EDARADD: variants seen among roughly 807,000 people sequenced by gnomAD.
EDARADD encodes the protein EDAR associated via death domain, also known as ectodysplasin-A receptor-associated adapter protein.
EDARADD carries 20 observed loss-of-function variants against 25.6 expected under a neutral mutation model. That is an observed-to-expected ratio of 0.78 (90% CI 0.55 to 1.14). EDARADD has a LOEUF of 1.14. EDARADD is among the 50% of genes most tolerant of loss of function. EDARADD has a pLI of 0.00. For missense variants in EDARADD, 225 were observed against 270.1 expected, an observed-to-expected ratio of 0.83 and a Z score of 1.17; for synonymous variants, 86 against 94.4, an observed-to-expected ratio of 0.91 and a Z score of 0.52.
At chr1:236,461,952 C>T (rs145081034) in intron 4 of EDARADD, among the ~76,000 whole-genome samples, 58 of 152,284 alleles carry the variant, frequency 3.8e-4, no homozygotes, top group African/African-American at 1.3e-3. Context: ...AAGGTTTCAA[C>T]GTACTGAGTT....
chr1:236,460,765 C>T (rs1659016295), intron 4 of EDARADD, among the ~76,000 whole-genome samples: 1 of 152,010 alleles, frequency 6.6e-6, no homozygotes, highest in South Asian at 2.1e-4. Context: ...GGAATTCTTA[C>T]CCCTGAAAAT....
chr1:236,415,796 C>T (rs1375453814), intron 3 of EDARADD, among the ~76,000 whole-genome samples: 1 of 152,040 alleles, frequency 6.6e-6, no homozygotes, highest in Non-Finnish European at 1.5e-5. Flanking sequence ...ACAGTGGGGC[C>T]TCTACCTTGT....
At chr1:236,387,194 TG>T (rs1198813152) in intron 3 of EDARADD, among the ~76,000 whole-genome samples, 133 of 6,428 alleles carry the variant, frequency 0.021, no homozygotes, top group African/African-American at 0.046. Context: ...GGGAGGGAGG[TG>T]GGGGGGGTCA....
At chr1:236,450,776 G>A (rs1364101195) in intron 4 of EDARADD, among the ~76,000 whole-genome samples, 1 of 151,976 alleles carries the variant, frequency 6.6e-6, no homozygotes, top group African/African-American at 2.4e-5. Flanking sequence ...CTCAAACTCC[G>A]GACCTTAGGT....
chr1:236,415,908 C>T (rs902202197), intron 3 of EDARADD, among the ~76,000 whole-genome samples: 1 of 152,192 alleles, frequency 6.6e-6, no homozygotes, highest in African/African-American at 2.4e-5. Context: ...GCATCCTGGT[C>T]ACCATGGAGG....
intron 3 of EDARADD, among the ~76,000 whole-genome samples, chr1:236,419,549 C>T (rs1207714427): frequency 6.6e-6 from 1 of 152,182 alleles, no homozygotes; most frequent in African/African-American, 2.4e-5. Flanking sequence ...ACGAATGACA[C>T]TTCAGTGTGC....
chr1:236,359,795 ACCTCC>A (rs1167774898), intron 3 of EDARADD, among the ~76,000 whole-genome samples: 2 of 152,134 alleles, frequency 1.3e-5, no homozygotes, highest in Non-Finnish European at 2.9e-5. Context: ...TGATTCAGTT[ACCTCC>A]TACAGGGTCC....
intron 5 of EDARADD, among the ~76,000 whole-genome samples, chr1:236,480,620 T>A (rs1464172453): frequency 6.6e-6 from 1 of 152,190 alleles, no homozygotes; most frequent in Non-Finnish European, 1.5e-5. Flanking sequence ...TAAAGGCTAC[T>A]ATAACCTTCC....
chr1:236,483,556 A>G lies in EDARADD; in HGVS notation c.*907A>G. ...GCTGTTGAGAAGGGGGTTCCCCTGT[A>G]CCACCACATCGCCGACTTGTCTGGC... On this transcript the variant is annotated 3_prime_UTR_variant, in exon 6 of 6. Coordinates refer to ENST00000334232, the MANE Select transcript of EDARADD (RefSeq NM_145861.4). 8.1e-7 allele frequency: 1 copy of G among 1,232,176 alleles called. No homozygotes were observed. Among genetic ancestry groups the G allele is most frequent in the Non-Finnish European group, 1.2e-6 (1 of 834,356 alleles). 76.3% of individuals were successfully genotyped at this position (1,232,176 alleles called of 1,614,324 possible). A position where few individuals can be genotyped will look rare whatever the true frequency, so the allele number is the denominator to read the frequency against.
chr1:236,423,164 A>C (rs966963831), intron 3 of EDARADD, among the ~76,000 whole-genome samples: 35 of 152,190 alleles, frequency 2.3e-4, no homozygotes, highest in African/African-American at 8.4e-4. Context: ...AGGGGCCCAA[A>C]TTTACATTGA....
At chr1:236,453,758 G>A (rs1337884893) in intron 4 of EDARADD, among the ~76,000 whole-genome samples, 1 of 152,160 alleles carries the variant, frequency 6.6e-6, no homozygotes, top group African/African-American at 2.4e-5. Context: ...GTTTGTGTAA[G>A]GGCACTCTAT....
chr1:236,477,966 G>C lies in EDARADD; in HGVS notation c.266-4301G>C, dbSNP rs576783700. 3.9e-5 allele frequency among the ~76,000 whole-genome samples: 6 copies of C among 152,242 alleles called. No individual in the cohort carries two copies. In the South Asian group the frequency reaches 1.2e-3, roughly 32 times the overall value. On this transcript the variant is annotated intron_variant, in intron 5 of 5. Transcript: ENST00000334232. Reference sequence around the variant, plus strand: ...AAAAATATAAAAATTAGACGGGTGTGATGGTGGGTGCCTGTAGTCCCAACT... The same window carrying C: ...AAAAATATAAAAATTAGACGGGTGTCATGGTGGGTGCCTGTAGTCCCAACT...
At chr1:236,481,799 A>G (rs1056368087) in intron 5 of EDARADD, among the ~76,000 whole-genome samples, 2 of 144,688 alleles carry the variant, frequency 1.4e-5, no homozygotes, top group African/African-American at 5.1e-5. Flanking sequence ...AAAAAAAAGA[A>G]CAGTAACACA....
chr1:236,453,270 C>A (rs894921980), intron 4 of EDARADD, among the ~76,000 whole-genome samples: 2 of 143,214 alleles, frequency 1.4e-5, no homozygotes, highest in African/African-American at 5.2e-5. Flanking sequence ...CCTTGAGATT[C>A]TTTTTTTCTT....
intron 3 of EDARADD, among the ~76,000 whole-genome samples, chr1:236,369,185 TC>T (rs1667146692): frequency 6.6e-6 from 1 of 152,296 alleles, no homozygotes; most frequent in East Asian, 1.9e-4. Flanking sequence ...CTCTACTAGG[TC>T]TTTTGACCCT....
chr1:236,436,398 G>T (rs904157069), intron 4 of EDARADD, among the ~76,000 whole-genome samples: 1 of 151,912 alleles, frequency 6.6e-6, no homozygotes, highest in Non-Finnish European at 1.5e-5. Context: ...CTGGCCTCAG[G>T]TGATCTGCCC....
At chr1:236,385,455 G>A (rs1407229900) in intron 3 of EDARADD, among the ~76,000 whole-genome samples, 3 of 137,324 alleles carry the variant, frequency 2.2e-5, no homozygotes, top group Non-Finnish European at 4.6e-5. Flanking sequence ...TGGGCATAGT[G>A]GCTCACGCCT....
At chr1:236,437,409 A>AGAGTCTG (rs1379850401) in intron 4 of EDARADD, among the ~76,000 whole-genome samples, 1 of 152,132 alleles carries the variant, frequency 6.6e-6, no homozygotes, top group African/African-American at 2.4e-5. Flanking sequence ...AGTTCCCGAA[A>AGAGTCTG]GAGTCTGACG....
At chr1:236,417,459 C>A (rs1571922245) in intron 3 of EDARADD, among the ~76,000 whole-genome samples, 1 of 152,180 alleles carries the variant, frequency 6.6e-6, no homozygotes, top group African/African-American at 2.4e-5. Context: ...AGTGTAATTT[C>A]ATTTGTCAGC....
Sources: allele counts gnomAD v4.1 joint callset (sites outside exome capture counted in the v4.1 genomes callset), GRCh38; gene constraint gnomAD v4.1.1; transcripts MANE v1.5; gene names NCBI Gene and HGNC (gene_info 2026-07-23, HGNC 2026-07-21).